The following KYNU variants were observed in gnomAD, a reference collection of about 807,000 sequenced individuals.
KYNU encodes the protein kynureninase.
Under a neutral mutation model 59.2 loss-of-function variants are expected in KYNU, and 54 were observed. The ratio of observed to expected loss-of-function variants is 0.91; its 90% CI spans 0.73 to 1.14. The LOEUF (loss-of-function observed/expected upper bound fraction) is 1.14. KYNU is among the 50% of genes most tolerant of loss of function. The pLI is 0.00. For synonymous variants in KYNU, 177 were observed against 192.0 expected (o/e 0.92, Z 0.65); for missense variants, 567 against 554.4 (o/e 1.02, Z -0.23).
At chr2:143,011,112 A>G (rs1175340602) in intron 10 of KYNU, among the ~76,000 whole-genome samples, 1 of 146,222 alleles carries the variant, frequency 6.8e-6, no homozygotes, top group Non-Finnish European at 1.5e-5. Context: ...AACTACCATC[A>G]GAGTGAACAG....
At chr2:142,972,817 G>T (rs62169910) in intron 8 of KYNU, among the ~76,000 whole-genome samples, 8,025 of 133,240 alleles carry the variant, frequency 0.06, 238 homozygotes, top group East Asian at 0.14. Context: ...TATATATAGA[G>T]AGAGAGAGAG....
chr2:142,995,531 G>T (rs891796123), intron 10 of KYNU, among the ~76,000 whole-genome samples: 1 of 152,064 alleles, frequency 6.6e-6, no homozygotes, highest in African/African-American at 2.4e-5. Context: ...GTGATTAGAT[G>T]AATATTTTAT....
At chr2:142,883,550 G>C (rs1354511362) in intron 1 of KYNU, among the ~76,000 whole-genome samples, 1 of 151,942 alleles carries the variant, frequency 6.6e-6, no homozygotes, top group East Asian at 1.9e-4. Context: ...ATCACAGTTT[G>C]TCATTCCTCC....
At chr2:142,901,510 C>A (rs930616078) in intron 2 of KYNU, among the ~76,000 whole-genome samples, 3 of 152,058 alleles carry the variant, frequency 2.0e-5, no homozygotes, top group Non-Finnish European at 2.9e-5. Context: ...TTTCTGATGA[C>A]CCCGGCAGTG....
At chr2:142,883,343 C>T (rs1158958614) in intron 1 of KYNU, among the ~76,000 whole-genome samples, 6 of 151,288 alleles carry the variant, frequency 4.0e-5, no homozygotes, top group African/African-American at 1.5e-4. Flanking sequence ...TACAGGCGCC[C>T]GCCACCTCGC....
intron 2 of KYNU, among the ~76,000 whole-genome samples, chr2:142,903,195 G>T (rs1573769196): frequency 6.6e-6 from 1 of 152,096 alleles, no homozygotes; most frequent in East Asian, 1.9e-4. Context: ...TGGAGTCCTT[G>T]TTGGGCCTCG....
intron 8 of KYNU, among the ~76,000 whole-genome samples, chr2:142,984,224 AT>A (rs1685133018): frequency 6.6e-6 from 1 of 152,004 alleles, no homozygotes; most frequent in Admixed American, 6.6e-5. Flanking sequence ...AATTATGTGT[AT>A]TTTCCAAATA....
chr2:143,040,980 G>A (rs1687026672), intron 13 of KYNU, among the ~76,000 whole-genome samples: 1 of 151,994 alleles, frequency 6.6e-6, no homozygotes, highest in African/African-American at 2.4e-5. Flanking sequence ...TCTCTAGTCT[G>A]TACTACAATT....
chr2:143,031,583 G>C (rs1197887894), intron 11 of KYNU, among the ~76,000 whole-genome samples: 2 of 152,244 alleles, frequency 1.3e-5, no homozygotes, highest in East Asian at 1.9e-4. Context: ...AATTAGCCAG[G>C]AGTGGTGGTA....
intron 8 of KYNU, among the ~76,000 whole-genome samples, chr2:142,964,080 T>C (rs995774898): frequency 2.6e-5 from 4 of 152,020 alleles, no homozygotes. Context: ...TTTATATGTG[T>C]GAGATTCATT....
At chr2:142,918,789 T>A in intron 3 of KYNU, 60 bp downstream of exon 3, 1 of 1,530,110 alleles carries the variant, frequency 6.5e-7, no homozygotes, top group Non-Finnish European at 9.0e-7. Context: ...CAAAATCACA[T>A]TAGGTTGTCT....
chr2:142,985,007 G>A, intron 8 of KYNU, 77 bp from the exon 9 acceptor site: 2 of 901,462 alleles, frequency 2.2e-6, no homozygotes, highest in Admixed American at 3.5e-5. Flanking sequence ...TTTGTCAAAT[G>A]TTTTCTTAAA....
intron 10 of KYNU, among the ~76,000 whole-genome samples, chr2:142,988,067 C>T (rs1301287259): frequency 6.6e-6 from 1 of 151,662 alleles, no homozygotes; most frequent in Admixed American, 6.6e-5. Flanking sequence ...TATAAATTAC[C>T]CAGTCTCAGG....
intron 2 of KYNU, among the ~76,000 whole-genome samples, chr2:142,887,366 G>A (rs1573750145): frequency 6.6e-6 from 1 of 152,218 alleles, no homozygotes; most frequent in African/African-American, 2.4e-5. Context: ...GTAAAATGGT[G>A]CAGCCACTGT....
At chr2:142,891,234 G>C (rs6429990) in intron 2 of KYNU, among the ~76,000 whole-genome samples, 94,001 of 152,028 alleles carry the variant, frequency 0.62, 31,905 homozygotes, top group African/African-American at 0.89. Context: ...TATGATTACA[G>C]TACCATTATA....
chr2:142,885,405 T>C lies in KYNU; in HGVS notation c.38T>C (p.Val13Ala), dbSNP rs1460438773. The change falls in exon 2 of 14, where the codon GTG (valine) becomes GCG (alanine). Residue 13 changes from valine (V) to alanine (A), a missense_variant. Coordinates refer to ENST00000264170, the MANE Select transcript of KYNU (RefSeq NM_003937.3). ...PSSLELPADTVQRIAAELKCH... is the reference protein window; with the variant it reads ...PSSLELPADTAQRIAAELKCH... ...TCTCTTGAGCTGCCGGCTGACACAG[T>C]GCAGCGCATTGCGGCTGAACTCAAA... 2.5e-6 allele frequency: 4 copies of C among 1,614,040 alleles called. No homozygotes were observed.
chr2:142,959,999 G>T (rs1684290441), intron 7 of KYNU, among the ~76,000 whole-genome samples: 1 of 152,058 alleles, frequency 6.6e-6, no homozygotes, highest in African/African-American at 2.4e-5. Flanking sequence ...CTATTCTCGT[G>T]CTTCCGCCAC....
chr2:142,945,581 G>A (rs887860720), intron 4 of KYNU, among the ~76,000 whole-genome samples: 5 of 152,000 alleles, frequency 3.3e-5, no homozygotes, highest in African/African-American at 1.2e-4. Context: ...TCCTGTTCAT[G>A]TTGATATTTT....
At chr2:142,934,773 C>A (rs1461921287) in intron 4 of KYNU, among the ~76,000 whole-genome samples, 4 of 152,182 alleles carry the variant, frequency 2.6e-5, no homozygotes, top group African/African-American at 9.7e-5. Context: ...CGATGAGATC[C>A]TAATAGGAGG....
Sources: allele counts gnomAD v4.1 joint callset (sites outside exome capture counted in the v4.1 genomes callset), GRCh38; gene constraint gnomAD v4.1.1; transcripts MANE v1.5; gene names NCBI Gene and HGNC (gene_info 2026-07-23, HGNC 2026-07-21).